Variants in PARD3 observed in about 807,000 individuals in gnomAD.
PARD3 encodes the protein par-3 family cell polarity regulator, also known as partitioning defective 3 homolog.
A neutral mutation model predicts 155.4 loss-of-function variants in PARD3; 75 were observed. That is an observed-to-expected ratio of 0.48 (90% confidence interval 0.40 to 0.58). The LOEUF (loss-of-function observed/expected upper bound fraction) is 0.58. PARD3 is among the 20% of genes least tolerant of loss of function. The pLI is 0.00. For missense variants in PARD3, 1,642 were observed against 1,721.7 expected (o/e 0.95, Z 0.82); for synonymous variants, 576 against 610.5 (o/e 0.94, Z 0.83).
At chr10:34,331,608 G>C (rs1835624065) in intron 18 of PARD3, among the ~76,000 whole-genome samples, 1 of 152,108 alleles carries the variant, frequency 6.6e-6, no homozygotes, top group African/African-American at 2.4e-5. Flanking sequence ...TTCAACAGAT[G>C]AAATTGTTGT....
chr10:34,148,812 A>G (rs565136204), intron 22 of PARD3, among the ~76,000 whole-genome samples: 6 of 152,156 alleles, frequency 3.9e-5, no homozygotes, highest in Non-Finnish European at 7.3e-5. Flanking sequence ...TCCCTTTTAT[A>G]TGTCAAAAAC....
chr10:34,335,019 C>T (rs1489290148), intron 18 of PARD3, among the ~76,000 whole-genome samples: 6 of 151,828 alleles, frequency 4.0e-5, no homozygotes, highest in Non-Finnish European at 5.9e-5. Context: ...GTTTTTATGA[C>T]TGTTTACTTG....
rs375404215 is a variant in PARD3, at chr10:34,696,788, A to G, written c.121-369T>C. 1.4e-4 allele frequency among the ~76,000 whole-genome samples: 21 copies of G among 151,650 alleles called. No individual in the cohort carries two copies. In the East Asian group the frequency reaches 4.0e-3, roughly 29 times the overall value. ...TATTAACCCCCAATGCAATCTACAGAAATATTCTAATAAGCAAACAGCATA... is the reference window on the plus strand; with the variant it reads ...TATTAACCCCCAATGCAATCTACAGGAATATTCTAATAAGCAAACAGCATA... On this transcript the variant is annotated intron_variant, in intron 1 of 24. Coordinates refer to ENST00000374788, the MANE Select transcript of PARD3 (RefSeq NM_001184785.2).
rs899607823 is a variant in PARD3, at chr10:34,243,707, G to A, written c.3419+25950C>T. On this transcript the variant is annotated intron_variant, in intron 22 of 24. Coordinates refer to ENST00000374788, the MANE Select transcript of PARD3 (RefSeq NM_001184785.2). ...AAAAATTGGCTGGGTGTGTCGGCGC[G>A]CACTGAGCAGGAGAATTGCTTGAAC... is the stretch of plus-strand genomic sequence containing the variant. 3.7e-4 allele frequency among the ~76,000 whole-genome samples: 56 copies of A among 152,068 alleles called. 1 individual carries two copies. The highest frequency in any genetic ancestry group is 4.4e-5 in the Non-Finnish European group (3 of 68,022).
chr10:34,553,865 A>G (rs1228854645), intron 2 of PARD3, among the ~76,000 whole-genome samples: 8 of 152,254 alleles, frequency 5.3e-5, no homozygotes, highest in Non-Finnish European at 1.0e-4. Context: ...GAGCAGATCC[A>G]GTGGCTGGCA....
At chr10:34,204,876 T>C (rs1951395306) in intron 22 of PARD3, among the ~76,000 whole-genome samples, 1 of 152,210 alleles carries the variant, frequency 6.6e-6, no homozygotes, top group Admixed American at 6.5e-5. Flanking sequence ...GTGCTTCTCT[T>C]ATACCTAATT....
At chr10:34,786,915 GTAGA>G (rs1484783682) in intron 1 of PARD3, among the ~76,000 whole-genome samples, 1 of 152,112 alleles carries the variant, frequency 6.6e-6, no homozygotes, top group Non-Finnish European at 1.5e-5. Flanking sequence ...AAAAAAACTG[GTAGA>G]TAGACAGTTG....
At chr10:34,677,580 T>C (rs1017825498) in intron 2 of PARD3, among the ~76,000 whole-genome samples, 2 of 152,136 alleles carry the variant, frequency 1.3e-5, no homozygotes, top group Admixed American at 1.3e-4. Flanking sequence ...GTCCATTCTA[T>C]AAACCATTAA....
chr10:34,523,950 A>C (rs1345947809), intron 2 of PARD3, among the ~76,000 whole-genome samples: 1 of 152,182 alleles, frequency 6.6e-6, no homozygotes, highest in Non-Finnish European at 1.5e-5. Flanking sequence ...AGGATGTCCA[A>C]AAAAATTATA....
intron 2 of PARD3, among the ~76,000 whole-genome samples, chr10:34,659,779 T>C (rs2093275730): frequency 6.6e-6 from 1 of 152,208 alleles, no homozygotes; most frequent in African/African-American, 2.4e-5. Flanking sequence ...CTTACTTCTC[T>C]TCTTCCTGTA....
chr10:34,727,837 C>T (rs912331770), intron 1 of PARD3, among the ~76,000 whole-genome samples: 6 of 151,136 alleles, frequency 4.0e-5, no homozygotes, highest in East Asian at 1.9e-4. Flanking sequence ...CACACACGCA[C>T]GCACGCAGGT....
chr10:34,251,090 C>T lies in PARD3; in HGVS notation c.3419+18567G>A, dbSNP rs79308581. 9.1e-4 allele frequency among the ~76,000 whole-genome samples: 138 copies of T among 152,302 alleles called. 1 individual carries two copies. Among genetic ancestry groups the T allele is most frequent in the East Asian group, 6.2e-3 (32 of 5,186 alleles). On this transcript the variant is annotated intron_variant, in intron 22 of 24. Coordinates refer to ENST00000374788, the MANE Select transcript of PARD3 (RefSeq NM_001184785.2). ...TATACCAAATTACTAAAGATTAAGA[C>T]GCTTCCTAATTACAGAAATTAATCA...
At chr10:34,754,592 T>C (rs1445828653) in intron 1 of PARD3, among the ~76,000 whole-genome samples, 1 of 152,350 alleles carries the variant, frequency 6.6e-6, no homozygotes, top group Non-Finnish European at 1.5e-5. Flanking sequence ...TTTCATATCA[T>C]AGATACAATT....
At chr10:34,419,784 A>C (rs1231162793) in intron 5 of PARD3, among the ~76,000 whole-genome samples, 1 of 152,340 alleles carries the variant, frequency 6.6e-6, no homozygotes, top group Non-Finnish European at 1.5e-5. Context: ...TTTGGAAAAC[A>C]ATTCTCTATT....
At chr10:34,432,071 A>AAAAAT (rs2075960604) in intron 5 of PARD3, among the ~76,000 whole-genome samples, 1 of 145,160 alleles carries the variant, frequency 6.9e-6, no homozygotes, top group South Asian at 2.1e-4. Flanking sequence ...AAAAAAAAAA[A>AAAAAT]GAATGCAGAG....
intron 20 of PARD3, among the ~76,000 whole-genome samples, chr10:34,306,801 C>T (rs1564567779): frequency 6.6e-6 from 1 of 152,164 alleles, no homozygotes; most frequent in Non-Finnish European, 1.5e-5. Context: ...GGAACGCCAG[C>T]ATTGTCCTGG....
In PARD3 at chr10:34,388,025, A is replaced by G. The variant is rs138084946; in HGVS notation, c.891-3771T>C. Among the ~76,000 whole-genome samples the G allele has an allele frequency of 2.0e-4, 30 of 152,338 alleles. No homozygotes were observed. In the East Asian group the frequency reaches 3.3e-3, roughly 17 times the overall value. Reference sequence around the variant, plus strand: ...TGAGGCTTTAGCAACCAACATTGTTATAAGTCATGAAAATCTCAGATCTCA... The same window carrying G: ...TGAGGCTTTAGCAACCAACATTGTTGTAAGTCATGAAAATCTCAGATCTCA... On this transcript the variant is annotated intron_variant, in intron 7 of 24. Transcript: ENST00000374788.
intron 2 of PARD3, among the ~76,000 whole-genome samples, chr10:34,619,956 G>T (rs545830892): frequency 3.3e-5 from 5 of 151,954 alleles, no homozygotes; most frequent in Non-Finnish European, 5.9e-5. Context: ...CCTTATGAAG[G>T]TTCATCCCTT....
chr10:34,782,422 T>A (rs1840349883), intron 1 of PARD3, among the ~76,000 whole-genome samples: 1 of 152,202 alleles, frequency 6.6e-6, no homozygotes, highest in Non-Finnish European at 1.5e-5. Flanking sequence ...TTAGGGCACA[T>A]CAAACAACCT....
Sources: gnomAD v4.1 joint callset for allele counts (sites outside exome capture counted in the v4.1 genomes callset) on GRCh38, gnomAD v4.1.1 for gene constraint, MANE v1.5 for transcripts, NCBI Gene and HGNC (gene_info 2026-07-23, HGNC 2026-07-21) for gene names.